Variants in PIK3C2G observed in about 807,000 individuals in gnomAD.
PIK3C2G encodes the protein phosphatidylinositol 3-kinase C2 domain-containing subunit gamma.
In PIK3C2G, 168 loss-of-function variants were observed where a neutral mutation model predicts 181.1. That is an observed-to-expected ratio of 0.93 (90% confidence interval 0.82 to 1.05). PIK3C2G has a LOEUF of 1.05. Among genes scored for constraint, PIK3C2G ranks in the 50% least tolerant of loss-of-function variants. The pLI is 0.00. For synonymous variants in PIK3C2G, 573 were observed against 592.2 expected (o/e 0.97, Z 0.47); for missense variants, 1,869 against 1,732.8 (o/e 1.08, Z -1.40).
chr12:18,445,911 C>G, intron 18 of PIK3C2G, among the ~76,000 whole-genome samples: 1 of 152,058 alleles, frequency 6.6e-6, no homozygotes, highest in African/African-American at 2.4e-5. Context: ...ACAAAAGAAA[C>G]TAGGTGCAAT....
At chr12:18,247,047 T>C (rs1482966688), upstream of PIK3C2G, among the ~76,000 whole-genome samples, 1 of 152,196 alleles carries the variant, frequency 6.6e-6, no homozygotes, top group Non-Finnish European at 1.5e-5. Flanking sequence ...TCAAATTCTA[T>C]AAATTTTTCT....
At chr12:18,712,692 A>ATTT in the PIK3C2G span, 1 of 953,200 alleles carries the variant, frequency 1.0e-6, no homozygotes, top group Non-Finnish European at 1.6e-6. Context: ...TTAACTATAT[A>ATTT]CAACATGGAT....
intron 24 of PIK3C2G, among the ~76,000 whole-genome samples, chr12:18,510,415 CA>C (rs1942130711): frequency 1.3e-5 from 2 of 152,260 alleles, no homozygotes; most frequent in Admixed American, 1.3e-4. Flanking sequence ...GTAATAAACT[CA>C]AAATTTCAAC....
chr12:18,494,167 C>A (rs1940813816), intron 20 of PIK3C2G, among the ~76,000 whole-genome samples: 1 of 152,160 alleles, frequency 6.6e-6, no homozygotes, highest in African/African-American at 2.4e-5. Context: ...CTGATTAATT[C>A]TTCCATCCAT....
At chr12:18,480,859 C>A (rs1336887186) in intron 18 of PIK3C2G, among the ~76,000 whole-genome samples, 1 of 152,230 alleles carries the variant, frequency 6.6e-6, no homozygotes, top group Non-Finnish European at 1.5e-5. Context: ...ACCTCTGCTG[C>A]TGCTCTACAT....
chr12:18,251,459 G>A (rs560146024), intron 1 of PIK3C2G, among the ~76,000 whole-genome samples: 17 of 152,050 alleles, frequency 1.1e-4, no homozygotes, highest in Non-Finnish European at 1.0e-4. Flanking sequence ...TGTGATAACA[G>A]TAGACAATGA....
At chr12:18,357,918 T>C (rs1221119648) in intron 11 of PIK3C2G, among the ~76,000 whole-genome samples, 3 of 152,254 alleles carry the variant, frequency 2.0e-5, no homozygotes, top group Non-Finnish European at 4.4e-5. Context: ...TGTTGTAGTA[T>C]GACAGGATTT....
At chr12:18,264,590 T>C (rs1407909147) in intron 1 of PIK3C2G, among the ~76,000 whole-genome samples, 1 of 152,184 alleles carries the variant, frequency 6.6e-6, no homozygotes, top group Non-Finnish European at 1.5e-5. Flanking sequence ...TTTGTTGTGA[T>C]ATTTTTTGCT....
intron 29 of PIK3C2G, among the ~76,000 whole-genome samples, chr12:18,582,216 G>C (rs902082487): frequency 3.3e-5 from 5 of 152,102 alleles, no homozygotes; most frequent in African/African-American, 1.2e-4. Flanking sequence ...CTCACACATT[G>C]GGATTCATCA....
chr12:18,449,957 CTTT>C (rs1350683257), intron 18 of PIK3C2G, among the ~76,000 whole-genome samples: 1 of 152,152 alleles, frequency 6.6e-6, no homozygotes, highest in Non-Finnish European at 1.5e-5. Context: ...TGTTTTCTGA[CTTT>C]TTAATGATCG....
intron 31 of PIK3C2G, among the ~76,000 whole-genome samples, chr12:18,625,180 A>G (rs986995150): frequency 7.3e-5 from 11 of 150,830 alleles, no homozygotes; most frequent in Non-Finnish European, 1.3e-4. Context: ...TTGTTTTTAG[A>G]CCTGTTTTTG....
At chr12:18,291,508 G>A (rs904411877) in intron 4 of PIK3C2G, among the ~76,000 whole-genome samples, 1 of 152,110 alleles carries the variant, frequency 6.6e-6, no homozygotes, top group Non-Finnish European at 1.5e-5. Flanking sequence ...AGTCTCTGGG[G>A]ATGACACCCA....
chr12:18,667,049 G>C, the PIK3C2G span, among the ~76,000 whole-genome samples: 16 of 152,082 alleles, frequency 1.1e-4, no homozygotes, highest in African/African-American at 3.9e-4. Context: ...CAGACAGAGT[G>C]CATCCTCAAT....
chr12:18,383,063 A>C (rs1942944827), intron 14 of PIK3C2G, among the ~76,000 whole-genome samples: 1 of 152,222 alleles, frequency 6.6e-6, no homozygotes, highest in Non-Finnish European at 1.5e-5. Context: ...ACGATATCTT[A>C]TCAATTAGCA....
At chr12:18,466,895 T>A (rs980723994) in intron 18 of PIK3C2G, among the ~76,000 whole-genome samples, 2 of 151,992 alleles carry the variant, frequency 1.3e-5, no homozygotes, top group African/African-American at 4.8e-5. Flanking sequence ...CAAACAGAAT[T>A]AATAACTTCT....
At chr12:18,590,098 T>C (rs917162033) in intron 29 of PIK3C2G, among the ~76,000 whole-genome samples, 6 of 150,778 alleles carry the variant, frequency 4.0e-5, no homozygotes, top group African/African-American at 1.5e-4. Context: ...ATTTATAGTA[T>C]ACAGTAGTTA....
the PIK3C2G span, chr12:18,713,121 G>C: frequency 8.3e-6 from 10 of 1,206,612 alleles, no homozygotes; most frequent in African/African-American, 1.5e-4. Context: ...ATAAAAACTT[G>C]TCTTTGGGAC....
intron 24 of PIK3C2G, among the ~76,000 whole-genome samples, chr12:18,505,900 G>A (rs1170274531): frequency 6.6e-6 from 1 of 152,102 alleles, no homozygotes; most frequent in African/African-American, 2.4e-5. Context: ...GATATTTAGG[G>A]AATACCTACT....
chr12:18,263,198 G>A (rs1948324400), intron 1 of PIK3C2G, among the ~76,000 whole-genome samples: 1 of 151,836 alleles, frequency 6.6e-6, no homozygotes. Context: ...TTTTATTGTG[G>A]TTTTTCACTG....
Sources: gnomAD v4.1 joint callset for allele counts (sites outside exome capture counted in the v4.1 genomes callset) on GRCh38, gnomAD v4.1.1 for gene constraint, MANE v1.5 for transcripts, NCBI Gene and HGNC (gene_info 2026-07-23, HGNC 2026-07-21) for gene names.